PAM: variants seen among roughly 807,000 people sequenced by gnomAD.
The protein encoded by PAM is peptidyl-glycine alpha-amidating monooxygenase.
In PAM, 72 loss-of-function variants were observed where a neutral mutation model predicts 122.1. The ratio of observed to expected loss-of-function variants is 0.59; its 90% CI spans 0.49 to 0.72. The LOEUF is 0.72. Among genes scored for constraint, PAM ranks in the 30% least tolerant of loss-of-function variants. The pLI, the probability that PAM is intolerant of heterozygous loss-of-function variation, is 0.00. For missense variants in PAM, 1,106 were observed against 1,183.7 expected (o/e 0.93, Z 0.96); for synonymous variants, 389 against 404.4 (o/e 0.96, Z 0.46).
At chr5:102,888,285 C>A (rs1793767030) in intron 3 of PAM, among the ~76,000 whole-genome samples, 1 of 151,948 alleles carries the variant, frequency 6.6e-6, no homozygotes, top group African/African-American at 2.4e-5. Context: ...CTGGTCTGTT[C>A]CAGCTCCATT....
intron 1 of PAM, among the ~76,000 whole-genome samples, chr5:102,762,374 G>A (rs1752591516): frequency 6.6e-6 from 1 of 152,192 alleles, no homozygotes; most frequent in South Asian, 2.1e-4. Context: ...CAGGCAGGGT[G>A]TGGTAAGTCA....
intron 21 of PAM, among the ~76,000 whole-genome samples, chr5:103,013,801 G>A (rs1399635693): frequency 6.6e-6 from 1 of 152,106 alleles, no homozygotes; most frequent in Non-Finnish European, 1.5e-5. Flanking sequence ...TTGTTCACTG[G>A]AGCTTTAAGC....
chr5:102,948,476 A>T, intron 9 of PAM, 31 bp downstream of exon 9: 2 of 977,358 alleles, frequency 2.0e-6, no homozygotes, highest in Non-Finnish European at 3.3e-6. Flanking sequence ...ATTTACCATT[A>T]CCTCATTACC....
chr5:102,960,146 T>TCAAA, intron 13 of PAM, 87 bp downstream of exon 13: 1 of 731,220 alleles, frequency 1.4e-6, no homozygotes, highest in Non-Finnish European at 2.2e-6. Flanking sequence ...TTTAAAATCA[T>TCAAA]CTTTATTCCC....
chr5:102,881,207 G>A (rs141509860), intron 3 of PAM, among the ~76,000 whole-genome samples: 5 of 148,044 alleles, frequency 3.4e-5, no homozygotes, highest in Non-Finnish European at 4.5e-5. Flanking sequence ...AGAAAAACAC[G>A]CATATGGCAG....
chr5:102,786,949 T>C (rs923311725), intron 1 of PAM, among the ~76,000 whole-genome samples: 3 of 152,094 alleles, frequency 2.0e-5, no homozygotes, highest in African/African-American at 7.2e-5. Context: ...CCAGCAGATA[T>C]ATTTGACCCC....
chr5:102,915,050 T>C (rs982840701), intron 5 of PAM, among the ~76,000 whole-genome samples: 1 of 152,102 alleles, frequency 6.6e-6, no homozygotes, highest in African/African-American at 2.4e-5. Flanking sequence ...ATTTTGTTCT[T>C]TGGCATTCTT....
At chr5:102,845,285 T>G (rs952496347) in intron 1 of PAM, among the ~76,000 whole-genome samples, 1 of 152,170 alleles carries the variant, frequency 6.6e-6, no homozygotes, top group Non-Finnish European at 1.5e-5. Flanking sequence ...CAGGCTATAG[T>G]GTTAAGTATG....
chr5:102,933,361 T>C (rs910578755), intron 7 of PAM, among the ~76,000 whole-genome samples: 2 of 152,156 alleles, frequency 1.3e-5, no homozygotes, highest in Non-Finnish European at 2.9e-5. Context: ...ATCTGGAAAA[T>C]GGGGATTAAA....
At chr5:102,768,656 C>G (rs1223334639) in intron 1 of PAM, among the ~76,000 whole-genome samples, 1 of 152,122 alleles carries the variant, frequency 6.6e-6, no homozygotes, top group African/African-American at 2.4e-5. Flanking sequence ...CATGTTGTTG[C>G]AAATGAGAGA....
At position 102,866,161 on chromosome 5, in the gene PAM, C is replaced by CG. The variant is rs1334618760; in HGVS notation, c.-33dup. 2 of 1,477,498 alleles carry CG rather than the reference C, an allele frequency of 1.4e-6. No individual in the cohort carries two copies. Among genetic ancestry groups the CG allele is most frequent in the African/African-American group, 2.8e-5 (2 of 72,382 alleles). The allele number at this position is 1,477,498 out of a possible 1,614,324, so 91.5% of individuals were successfully genotyped here. On this transcript the variant is annotated 5_prime_UTR_variant, in exon 2 of 26. Transcript: ENST00000438793. ...AGCCCCAGCCCCGCGCTGCGCTGCC[C>CG]GGTCCTCTCCCGGCGGGGTCGTATC...
chr5:102,879,881 G>A (rs1790417877), intron 3 of PAM, among the ~76,000 whole-genome samples: 1 of 152,162 alleles, frequency 6.6e-6, no homozygotes, highest in Non-Finnish European at 1.5e-5. Context: ...ATATAACCTA[G>A]GTGTGTAGTA....
chr5:102,866,499 T>C (rs1270766928), intron 2 of PAM: 2 of 557,502 alleles, frequency 3.6e-6, no homozygotes, highest in Non-Finnish European at 6.4e-6. Context: ...CAATTAGAAG[T>C]TGTGATTTCC....
intron 16 of PAM, among the ~76,000 whole-genome samples, chr5:103,002,045 C>T (rs1304286868): frequency 6.6e-6 from 1 of 151,898 alleles, no homozygotes; most frequent in Non-Finnish European, 1.5e-5. Context: ...CATACACACA[C>T]ACCCCCCTCA....
intron 5 of PAM, among the ~76,000 whole-genome samples, chr5:102,915,880 T>C (rs1248720883): frequency 6.6e-6 from 1 of 152,158 alleles, no homozygotes; most frequent in Admixed American, 6.6e-5. Context: ...CTTTAAAATA[T>C]TTATTAGTAT....
At chr5:102,768,730 C>T (rs1291516828) in intron 1 of PAM, among the ~76,000 whole-genome samples, 1 of 152,138 alleles carries the variant, frequency 6.6e-6, no homozygotes, top group East Asian at 1.9e-4. Flanking sequence ...TTTCTCTGTC[C>T]ATTGATCTGT....
chr5:102,776,081 C>T (rs997070171), intron 1 of PAM, among the ~76,000 whole-genome samples: 1 of 152,174 alleles, frequency 6.6e-6, no homozygotes, highest in Non-Finnish European at 1.5e-5. Context: ...TTGCATTTCT[C>T]TAATGATCAG....
At chr5:102,913,016 G>C (rs751479192) in intron 4 of PAM, among the ~76,000 whole-genome samples, 21 of 151,974 alleles carry the variant, frequency 1.4e-4, no homozygotes, top group Non-Finnish European at 2.6e-4. Context: ...TTAGCAATAA[G>C]TGATGTTTTC....
Position 102,927,371 on chromosome 5 carries a change from C to T in PAM, c.526+703C>T, listed in dbSNP as rs11958851. On this transcript the variant is annotated intron_variant, in intron 7 of 25. Transcript: ENST00000438793. The stretch of plus-strand genomic sequence containing the variant: ...CAAACTCCAACTGCATTCGGGTTCA[C>T]ACTCTTGTGTTCACAGGTGTAAATA... 8.0e-3 allele frequency among the ~76,000 whole-genome samples: 1,223 copies of T among 152,342 alleles called. 22 individuals carry two copies. Among genetic ancestry groups the T allele is most frequent in the African/African-American group, 0.027 (1,141 of 41,576 alleles).
Sources: gnomAD v4.1 joint callset for allele counts (sites outside exome capture counted in the v4.1 genomes callset) on GRCh38, gnomAD v4.1.1 for gene constraint, MANE v1.5 for transcripts, NCBI Gene and HGNC (gene_info 2026-07-23, HGNC 2026-07-21) for gene names.